Variants in LIPI observed in about 807,000 individuals in gnomAD.
LIPI encodes the protein lipase I.
LIPI carries 59 observed loss-of-function variants against 50.6 expected under a neutral mutation model. The observed-to-expected ratio is 1.16, with a 90% CI of 0.94 to 1.45. LIPI has a LOEUF of 1.45. Ranked by LOEUF, LIPI falls within the 40% of genes most tolerant of loss-of-function variation. LIPI has a pLI of 0.00. For synonymous variants in LIPI, 203 were observed against 178.2 expected (o/e 1.14, Z -1.11); for missense variants, 586 against 536.3 (o/e 1.09, Z -0.92).
At chr21:14,182,500 G>A (rs539118853) in intron 3 of LIPI, among the ~76,000 whole-genome samples, 1 of 152,084 alleles carries the variant, frequency 6.6e-6, no homozygotes, top group African/African-American at 2.4e-5. Flanking sequence ...TCAGTTTTTT[G>A]AGAACATCTA....
intron 1 of LIPI, among the ~76,000 whole-genome samples, chr21:14,202,032 T>C (rs1261128862): frequency 6.6e-6 from 1 of 152,130 alleles, no homozygotes; most frequent in Non-Finnish European, 1.5e-5. Context: ...AGCATTCTTA[T>C]ACACCAATAA....
chr21:14,209,890 T>C (rs1435211922), intron 1 of LIPI, among the ~76,000 whole-genome samples: 1 of 151,926 alleles, frequency 6.6e-6, no homozygotes, highest in Non-Finnish European at 1.5e-5. Flanking sequence ...TCAAGAAACT[T>C]AAGAGTAATA....
intron 5 of LIPI, among the ~76,000 whole-genome samples, chr21:14,166,152 G>GTCTCATCC (rs2018675164): frequency 6.6e-6 from 1 of 151,988 alleles, no homozygotes; most frequent in African/African-American, 2.4e-5. Flanking sequence ...AATATAAGAG[G>GTCTCATCC]TCTCATCCAT....
intron 1 of LIPI, among the ~76,000 whole-genome samples, chr21:14,190,259 T>C (rs2019626485): frequency 6.6e-6 from 1 of 152,128 alleles, no homozygotes; most frequent in Non-Finnish European, 1.5e-5. Context: ...TGCTAGACAA[T>C]GAAATGATGA....
At chr21:14,115,637 G>T (rs115566652) in intron 9 of LIPI, among the ~76,000 whole-genome samples, 22 of 152,278 alleles carry the variant, frequency 1.4e-4, no homozygotes, top group African/African-American at 3.6e-4. Flanking sequence ...GCACCACTGA[G>T]TAACACAGCC....
intron 9 of LIPI, among the ~76,000 whole-genome samples, chr21:14,128,960 A>G (rs2017177068): frequency 6.6e-6 from 1 of 152,122 alleles, no homozygotes; most frequent in South Asian, 2.1e-4. Flanking sequence ...GAGTTTGAAC[A>G]AGATGTTTAG....
At chr21:14,133,311 A>G (rs1419055777) in intron 9 of LIPI, among the ~76,000 whole-genome samples, 2 of 152,246 alleles carry the variant, frequency 1.3e-5, no homozygotes, top group African/African-American at 2.4e-5. Context: ...GATTTATTGC[A>G]GGGATGCAAG....
intron 9 of LIPI, among the ~76,000 whole-genome samples, chr21:14,129,621 GA>G (rs1387931329): frequency 2.7e-5 from 4 of 150,580 alleles, no homozygotes; most frequent in Admixed American, 6.6e-5. Flanking sequence ...TATAACTGCA[GA>G]AAAAAATTAA....
chr21:14,162,203 T>A (rs184019547), intron 7 of LIPI, among the ~76,000 whole-genome samples: 2 of 151,348 alleles, frequency 1.3e-5, no homozygotes, highest in African/African-American at 4.8e-5. Flanking sequence ...CAGGGAACTA[T>A]GCTGAGTGAA....
chr21:14,198,593 A>G (rs1484710029), intron 1 of LIPI, among the ~76,000 whole-genome samples: 3 of 152,198 alleles, frequency 2.0e-5, no homozygotes, highest in African/African-American at 4.8e-5. Flanking sequence ...TGTACCCAAC[A>G]CAGGAGCACC....
intron 9 of LIPI, among the ~76,000 whole-genome samples, chr21:14,141,204 G>A (rs143103585): frequency 6.6e-6 from 1 of 151,938 alleles, no homozygotes; most frequent in African/African-American, 2.4e-5. Context: ...TTCTTCTGCT[G>A]TGTCTCCTCT....
chr21:14,196,546 G>T (rs1274184102), intron 1 of LIPI, among the ~76,000 whole-genome samples: 1 of 152,108 alleles, frequency 6.6e-6, no homozygotes, highest in Non-Finnish European at 1.5e-5. Flanking sequence ...AACTCATTAG[G>T]CTTGGTGCAG....
At chr21:14,196,979 C>T (rs1379089561) in intron 1 of LIPI, among the ~76,000 whole-genome samples, 1 of 151,612 alleles carries the variant, frequency 6.6e-6, no homozygotes, top group Non-Finnish European at 1.5e-5. Context: ...ACAAATAATT[C>T]TTAAAACCTG....
intron 1 of LIPI, among the ~76,000 whole-genome samples, chr21:14,194,872 C>G (rs1308451630): frequency 6.6e-6 from 1 of 152,124 alleles, no homozygotes; most frequent in Non-Finnish European, 1.5e-5. Flanking sequence ...GAATCCAATT[C>G]CTGTCATTAT....
chr21:14,178,755 C>T (rs572046385), intron 4 of LIPI, among the ~76,000 whole-genome samples: 14 of 152,194 alleles, frequency 9.2e-5, no homozygotes, highest in Non-Finnish European at 1.3e-4. Flanking sequence ...TTCTCATTCA[C>T]GCTGTCTTGC....
At chr21:14,175,308 G>C (rs568600814) in intron 4 of LIPI, among the ~76,000 whole-genome samples, 1 of 152,188 alleles carries the variant, frequency 6.6e-6, no homozygotes, top group African/African-American at 2.4e-5. Flanking sequence ...TGAATTTTAA[G>C]CATGTGGCTT....
intron 1 of LIPI, among the ~76,000 whole-genome samples, chr21:14,206,527 A>C (rs1173849401): frequency 3.3e-5 from 5 of 152,138 alleles, no homozygotes; most frequent in Non-Finnish European, 7.4e-5. Context: ...AGAGCCTTAA[A>C]ACTTAGCCAT....
intron 7 of LIPI, among the ~76,000 whole-genome samples, chr21:14,160,772 A>G (rs1438500375): frequency 6.6e-6 from 1 of 151,412 alleles, no homozygotes; most frequent in Non-Finnish European, 1.5e-5. Flanking sequence ...TAGAAATTAT[A>G]TAAAGAATTA....
chr21:14,128,316 G>T (rs1163668163), intron 9 of LIPI, among the ~76,000 whole-genome samples: 1 of 151,982 alleles, frequency 6.6e-6, no homozygotes, highest in Non-Finnish European at 1.5e-5. Context: ...TGAAAAAGCT[G>T]TTATTTTTAA....
Sources: allele counts gnomAD v4.1 joint callset (sites outside exome capture counted in the v4.1 genomes callset), GRCh38; gene constraint gnomAD v4.1.1; transcripts MANE v1.5; gene names NCBI Gene and HGNC (gene_info 2026-07-23, HGNC 2026-07-21).